RAD51B: variants seen among roughly 807,000 people sequenced by gnomAD.
RAD51B encodes the protein DNA repair protein RAD51 homolog 2.
RAD51B carries 38 observed loss-of-function variants against 42.2 expected under a neutral mutation model. The ratio of observed to expected loss-of-function variants is 0.90; its 90% CI spans 0.70 to 1.18. The LOEUF is 1.18. RAD51B is among the 50% of genes most tolerant of loss of function. The pLI is 0.00. For synonymous variants in RAD51B, 154 were observed against 145.2 expected, an observed-to-expected ratio of 1.06 and a Z score of -0.43; for missense variants, 373 against 400.7, an observed-to-expected ratio of 0.93 and a Z score of 0.59.
chr14:68,096,967 T>A (rs149263240), intron 7 of RAD51B, among the ~76,000 whole-genome samples: 2 of 152,378 alleles, frequency 1.3e-5, no homozygotes, highest in African/African-American at 4.8e-5. Context: ...ATAAATAACA[T>A]GTGTAAGGAC....
At chr14:68,268,937 A>C (rs928694581) in intron 7 of RAD51B, among the ~76,000 whole-genome samples, 2 of 152,106 alleles carry the variant, frequency 1.3e-5, no homozygotes, top group Non-Finnish European at 2.9e-5. Flanking sequence ...TTCAGATTCA[A>C]CTATAGCAGC....
At chr14:68,045,572 ATAACT>A (rs977059401) in intron 7 of RAD51B, among the ~76,000 whole-genome samples, 34 of 152,344 alleles carry the variant, frequency 2.2e-4, no homozygotes, top group African/African-American at 7.9e-4. Flanking sequence ...AGAAGTAAAA[ATAACT>A]TAATTTAGAT....
chr14:67,875,371 C>G (rs1408231162), intron 5 of RAD51B, among the ~76,000 whole-genome samples: 1 of 152,092 alleles, frequency 6.6e-6, no homozygotes, highest in Non-Finnish European at 1.5e-5. Context: ...TCTCAGGGTG[C>G]CAAGTTCCCC....
At chr14:67,947,725 TA>T (rs1423650588) in intron 7 of RAD51B, among the ~76,000 whole-genome samples, 1 of 152,170 alleles carries the variant, frequency 6.6e-6, no homozygotes. Flanking sequence ...GTAGAAAGAC[TA>T]ATATTTGGTC....
At chr14:68,280,154 C>G (rs1413302967) in intron 7 of RAD51B, among the ~76,000 whole-genome samples, 3 of 152,218 alleles carry the variant, frequency 2.0e-5, no homozygotes, top group Non-Finnish European at 4.4e-5. Flanking sequence ...TTCCTCCTGC[C>G]TGAAGACTCA....
rs116162667 is a variant in RAD51B at position 68,658,742 on chromosome 14, A to T, written c.*11+7886A>T. 4.9e-3 allele frequency among the ~76,000 whole-genome samples: 742 copies of T among 152,300 alleles called. 2 individuals are homozygous for T. Among genetic ancestry groups the T allele is most frequent in the African/African-American group, 0.017 (688 of 41,554 alleles). ...ATCATCCTCGTCCTCCTGATCATCA[A>T]CACCATTGTCATCACCATTTATTAA... On this transcript the variant is annotated intron_variant, in intron 11 of 11. Transcript: ENST00000488612.
intron 9 of RAD51B, among the ~76,000 whole-genome samples, chr14:68,432,541 A>G (rs999240387): frequency 1.3e-5 from 2 of 152,282 alleles, no homozygotes; most frequent in African/African-American, 4.8e-5. Flanking sequence ...TTGTTGGTTG[A>G]AAGTCTGTTT....
chr14:68,482,277 C>A (rs1883254851), downstream of RAD51B, among the ~76,000 whole-genome samples: 1 of 151,846 alleles, frequency 6.6e-6, no homozygotes, highest in Non-Finnish European at 1.5e-5. Flanking sequence ...GTATTGCAGT[C>A]CTGGTGAAGA....
At chr14:68,323,234 G>A (rs2082188990) in intron 8 of RAD51B, among the ~76,000 whole-genome samples, 1 of 152,232 alleles carries the variant, frequency 6.6e-6, no homozygotes, top group African/African-American at 2.4e-5. Flanking sequence ...ATTAGCTACA[G>A]GCTGGACAGT....
At chr14:68,372,718 T>C (rs1038286410) in intron 8 of RAD51B, among the ~76,000 whole-genome samples, 1 of 152,178 alleles carries the variant, frequency 6.6e-6, no homozygotes, top group African/African-American at 2.4e-5. Context: ...AAAGGTATAC[T>C]CATAAGCCCA....
At chr14:68,620,060 C>T (rs930746631) in intron 10 of RAD51B, among the ~76,000 whole-genome samples, 2 of 152,214 alleles carry the variant, frequency 1.3e-5, no homozygotes, top group Non-Finnish European at 2.9e-5. Context: ...CCCTTTCCTT[C>T]CAGGAGTCTT....
At chr14:68,330,625 C>G (rs2082329238) in intron 8 of RAD51B, among the ~76,000 whole-genome samples, 1 of 152,150 alleles carries the variant, frequency 6.6e-6, no homozygotes, top group South Asian at 2.1e-4. Context: ...CCAGGAGTTA[C>G]TTCCAACATT....
chr14:68,104,811 ATTTG>A (rs1222272679), intron 7 of RAD51B, among the ~76,000 whole-genome samples: 1 of 152,094 alleles, frequency 6.6e-6, no homozygotes, highest in Non-Finnish European at 1.5e-5. Context: ...AGATACTGTT[ATTTG>A]TTTATTATGC....
At chr14:68,268,557 A>G (rs1367644609) in intron 7 of RAD51B, among the ~76,000 whole-genome samples, 2 of 152,250 alleles carry the variant, frequency 1.3e-5, no homozygotes, top group Admixed American at 6.5e-5. Context: ...AATTAGAATC[A>G]TAAACTATGG....
chr14:68,647,563 A>G (rs1378682299), intron 10 of RAD51B, among the ~76,000 whole-genome samples: 1 of 152,214 alleles, frequency 6.6e-6, no homozygotes, highest in Non-Finnish European at 1.5e-5. Context: ...TTTGAAGTAC[A>G]AGTACTACTA....
At chr14:68,189,620 A>G (rs893451437) in intron 7 of RAD51B, among the ~76,000 whole-genome samples, 2 of 152,066 alleles carry the variant, frequency 1.3e-5, no homozygotes, top group African/African-American at 4.8e-5. Context: ...TTTCCTCACT[A>G]TTTATTCCTT....
At chr14:68,609,113 G>A (rs527850899) in intron 10 of RAD51B, among the ~76,000 whole-genome samples, 1 of 152,240 alleles carries the variant, frequency 6.6e-6, no homozygotes, top group East Asian at 1.9e-4. Flanking sequence ...TCTCCCTCTA[G>A]AAGCTTCCCT....
At chr14:67,953,930 G>T (rs1242106682) in intron 7 of RAD51B, among the ~76,000 whole-genome samples, 1 of 152,140 alleles carries the variant, frequency 6.6e-6, no homozygotes, top group Admixed American at 6.6e-5. Flanking sequence ...AGACTGAAAA[G>T]AAATGTGTGC....
chr14:68,141,405 T>C (rs2078125159), intron 7 of RAD51B, among the ~76,000 whole-genome samples: 2 of 152,222 alleles, frequency 1.3e-5, no homozygotes, highest in African/African-American at 4.8e-5. Context: ...TTTTGAGAAT[T>C]GCTGCTTTTT....
Sources: gnomAD v4.1 joint callset for allele counts (sites outside exome capture counted in the v4.1 genomes callset) on GRCh38, gnomAD v4.1.1 for gene constraint, MANE v1.5 for transcripts, NCBI Gene and HGNC (gene_info 2026-07-23, HGNC 2026-07-21) for gene names.